CMTM4: variants seen among roughly 807,000 people sequenced by gnomAD.
CMTM4 encodes CKLF like MARVEL transmembrane domain containing 4.
A neutral mutation model predicts 19.0 loss-of-function variants in CMTM4; 8 were observed. The ratio of observed to expected loss-of-function variants is 0.42; its 90% confidence interval spans 0.25 to 0.76. The LOEUF is 0.76. Among genes scored for constraint, CMTM4 ranks in the 30% least tolerant of loss-of-function variants. The probability of loss-of-function intolerance (pLI) is 0.27; values close to 1 mark genes in which losing one functional copy is unlikely to be tolerated. For missense variants in CMTM4, 228 were observed against 290.2 expected, an observed-to-expected ratio of 0.79 and a Z score of 1.56; for synonymous variants, 106 against 121.1, an observed-to-expected ratio of 0.88 and a Z score of 0.82.
chr16:66,668,672 T>G (rs574317167), intron 1 of CMTM4, among the ~76,000 whole-genome samples: 3 of 152,288 alleles, frequency 2.0e-5, no homozygotes, highest in Admixed American at 1.3e-4. Context: ...ATGACAACAC[T>G]TCACTGTCCC....
In CMTM4 at chr16:66,620,916, G is replaced by T. The variant is rs2015619493; in HGVS notation, c.*1142C>A. The T allele has an allele frequency of 5.1e-6, 5 of 985,754 alleles. No individual in the cohort carries two copies. The highest frequency in any genetic ancestry group is 6.0e-6 in the Non-Finnish European group (5 of 829,928). The allele number at this position is 985,754 out of a possible 1,614,324, so 61.1% of individuals were successfully genotyped here. Reference sequence around the variant, plus strand: ...TCTTCACTTTATCAAGAATCAATCAGAAACCTTAAGTAGCTAGGATTTTTC... The same window carrying T: ...TCTTCACTTTATCAAGAATCAATCATAAACCTTAAGTAGCTAGGATTTTTC... On this transcript the variant is annotated 3_prime_UTR_variant, in exon 4 of 4. Transcript: ENST00000394106.
chr16:66,610,358 T>C (rs1205761286), downstream of CMTM4, among the ~76,000 whole-genome samples: 1 of 152,116 alleles, frequency 6.6e-6, no homozygotes, highest in Non-Finnish European at 1.5e-5. The surrounding 1 kb of genome is among the most constrained non-coding windows in gnomAD (Gnocchi z 4.6). Flanking sequence ...CTCTGCTGTC[T>C]TACCCATCCA....
At chr16:66,648,815 T>A (rs564205607) in intron 1 of CMTM4, among the ~76,000 whole-genome samples, 11 of 151,022 alleles carry the variant, frequency 7.3e-5, no homozygotes, top group African/African-American at 2.4e-4. Context: ...CTACTAAAAA[T>A]ACAAAAACTA....
At chr16:66,653,932 G>T (rs1252777045) in intron 1 of CMTM4, among the ~76,000 whole-genome samples, 1 of 151,994 alleles carries the variant, frequency 6.6e-6, no homozygotes, top group Admixed American at 6.6e-5. Context: ...GTAGAGACAG[G>T]GTTTTGCTAT....
chr16:66,607,911 C>G, the CMTM4 span, among the ~76,000 whole-genome samples: 1 of 151,700 alleles, frequency 6.6e-6, no homozygotes, highest in Non-Finnish European at 1.5e-5. Context: ...GTGGCCTGAT[C>G]ACAGCTCACT....
chr16:66,630,321 C>G (rs1477174139), intron 2 of CMTM4, among the ~76,000 whole-genome samples: 1 of 102,894 alleles, frequency 9.7e-6, no homozygotes, highest in Non-Finnish European at 2.0e-5. Context: ...CCTCCCCCTC[C>G]CCCCTCCCTC....
chr16:66,603,570 A>G, the CMTM4 span, among the ~76,000 whole-genome samples: 4 of 152,302 alleles, frequency 2.6e-5, no homozygotes, highest in African/African-American at 9.6e-5. Context: ...TACAGGCATG[A>G]GCCACAGCGC....
rs1039090664 is a variant in CMTM4, at chr16:66,616,603, C to G, written c.*5455G>C. The G allele has an allele frequency of 2.0e-5, 3 of 152,248 alleles. No homozygotes were observed. The highest frequency in any genetic ancestry group is 7.2e-5 in the African/African-American group (3 of 41,454). 9.4% of individuals were successfully genotyped at this position (152,248 alleles called of 1,614,324 possible). On this transcript the variant is annotated 3_prime_UTR_variant, in exon 4 of 4. Coordinates refer to ENST00000394106, the MANE Select transcript of CMTM4 (RefSeq NM_181521.3). ...CACATCTGCCAGCCCTCAGGCCGGC[C>G]AGGTCTCCCTTCAAACCCTGAGTAT...
intron 2 of CMTM4, among the ~76,000 whole-genome samples, chr16:66,635,825 C>G (rs529749181): frequency 3.9e-5 from 6 of 152,328 alleles, no homozygotes; most frequent in African/African-American, 1.4e-4. Context: ...GGGTCTAGGA[C>G]TGACCAGCCC....
intron 1 of CMTM4, among the ~76,000 whole-genome samples, chr16:66,679,530 TG>T (rs2016868789): frequency 6.6e-6 from 1 of 151,844 alleles, no homozygotes; most frequent in African/African-American, 2.4e-5. Flanking sequence ...CAATGTAAGA[TG>T]GGACTGATGA....
At chr16:66,693,695 G>C (rs920086787) in intron 1 of CMTM4, among the ~76,000 whole-genome samples, 2 of 152,108 alleles carry the variant, frequency 1.3e-5, no homozygotes, top group African/African-American at 2.4e-5. Flanking sequence ...CGAGATTCTG[G>C]GGGCTAGGCC....
Position 66,621,720 on chromosome 16 carries a change from C to T in CMTM4, c.*338G>A, listed in dbSNP as rs1239794820. On this transcript the variant is annotated 3_prime_UTR_variant, in exon 4 of 4. Transcript: ENST00000394106. ...CTTCATTCCTTCATATTTCCCCCCT[C>T]TTAGCAGCCCCATTTAATCCAAAGT... 2 of 1,099,614 alleles carry T rather than the reference C, an allele frequency of 1.8e-6. No individual in the cohort carries two copies. Among genetic ancestry groups the T allele is most frequent in the African/African-American group, 3.2e-5 (2 of 62,616 alleles). The allele number at this position is 1,099,614 out of a possible 1,614,324, so 68.1% of individuals were successfully genotyped here.
chr16:66,664,452 T>C (rs1019804894), intron 1 of CMTM4, among the ~76,000 whole-genome samples: 4 of 152,166 alleles, frequency 2.6e-5, no homozygotes, highest in Non-Finnish European at 5.9e-5. Flanking sequence ...GTATGCATGA[T>C]GGTTAAGAGC....
chr16:66,617,848 T>C lies in CMTM4; in HGVS notation c.*4210A>G. 1.0e-6 allele frequency: 1 copy of C among 991,178 alleles called. No individual in the cohort carries two copies. The highest frequency in any genetic ancestry group is 1.2e-6 in the Non-Finnish European group (1 of 833,684). The allele number at this position is 991,178 out of a possible 1,614,324, so 61.4% of individuals were successfully genotyped here. ...GCTCACCCACAGGACGGGAAAGACCTGTCCCCAGCATCCCACTCTTGCCCT... is the reference window on the plus strand; with the variant it reads ...GCTCACCCACAGGACGGGAAAGACCCGTCCCCAGCATCCCACTCTTGCCCT... On this transcript the variant is annotated 3_prime_UTR_variant, in exon 4 of 4. Coordinates refer to ENST00000394106, the MANE Select transcript of CMTM4 (RefSeq NM_181521.3).
chr16:66,604,696 C>T, the CMTM4 span: 2 of 867,590 alleles, frequency 2.3e-6, no homozygotes, highest in Non-Finnish European at 3.0e-6. Flanking sequence ...TGCGCCCCTG[C>T]GCGAGCCAGT....
intron 1 of CMTM4, among the ~76,000 whole-genome samples, chr16:66,650,711 CTCT>C (rs2016294177): frequency 6.6e-6 from 1 of 152,196 alleles, no homozygotes; most frequent in African/African-American, 2.4e-5. Flanking sequence ...CCCCGCACAC[CTCT>C]TAACACTTTG....
At chr16:66,627,334 A>G (rs936507063) in intron 2 of CMTM4, among the ~76,000 whole-genome samples, 2 of 152,232 alleles carry the variant, frequency 1.3e-5, no homozygotes, top group Non-Finnish European at 1.5e-5. Flanking sequence ...CACAACACAC[A>G]TGCATACGCA....
At chr16:66,695,429 G>A (rs2017215508) in intron 1 of CMTM4, among the ~76,000 whole-genome samples, 3 of 152,306 alleles carry the variant, frequency 2.0e-5, no homozygotes, top group Admixed American at 6.5e-5. Context: ...GCCTCAGAAG[G>A]CCTACCTGTG....
chr16:66,682,163 T>C lies in CMTM4; in HGVS notation c.186+14177A>G, dbSNP rs574879021. ...ATAGTACCTGGCCCACCCTAGGCAC[T>C]CAAATGTATATAAAGTATGGATTTT... is the stretch of plus-strand genomic sequence containing the variant. On this transcript the variant is annotated intron_variant, in intron 1 of 3. Coordinates refer to ENST00000394106, the MANE Select transcript of CMTM4 (RefSeq NM_181521.3). 1.1e-3 allele frequency among the ~76,000 whole-genome samples: 162 copies of C among 152,304 alleles called. 6 individuals are homozygous for C. The South Asian group carries it at 0.031, about 29-fold the overall frequency.
Sources: allele counts gnomAD v4.1 joint callset (sites outside exome capture counted in the v4.1 genomes callset), GRCh38; gene constraint gnomAD v4.1.1; non-coding constraint Gnocchi (gnomAD v3.1); transcripts MANE v1.5; gene names NCBI Gene and HGNC (gene_info 2026-07-23, HGNC 2026-07-21).